BARX2: variants seen among roughly 807,000 people sequenced by gnomAD.
BARX2 encodes the protein homeobox protein BarH-like 2.
A neutral mutation model predicts 25.5 loss-of-function variants in BARX2; 11 were observed. The observed-to-expected ratio is 0.43, with a 90% CI of 0.27 to 0.71. The LOEUF (loss-of-function observed/expected upper bound fraction) is 0.71, where lower values mean the gene tolerates loss of function less well. Ranked by LOEUF, BARX2 falls within the 30% of genes least tolerant of loss-of-function variation. The probability of loss-of-function intolerance (pLI) is 0.19; values close to 1 mark genes in which losing one functional copy is unlikely to be tolerated. For missense variants in BARX2, 360 were observed against 359.9 expected, an observed-to-expected ratio of 1.00 and a Z score of 0.00; for synonymous variants, 137 against 149.5, an observed-to-expected ratio of 0.92 and a Z score of 0.61.
At chr11:129,410,206 AT>A (rs942970159) in intron 1 of BARX2, among the ~76,000 whole-genome samples, 2 of 152,068 alleles carry the variant, frequency 1.3e-5, no homozygotes, top group African/African-American at 4.8e-5. Context: ...GTTTTAATCT[AT>A]TTTTTATTTT....
chr11:129,381,652 A>G (rs1211712096), intron 1 of BARX2, among the ~76,000 whole-genome samples: 2 of 152,250 alleles, frequency 1.3e-5, no homozygotes, highest in African/African-American at 2.4e-5. Context: ...AATTTGTGAT[A>G]GAAACATGGA....
chr11:129,400,955 G>A (rs1861769227), intron 1 of BARX2, among the ~76,000 whole-genome samples: 1 of 152,202 alleles, frequency 6.6e-6, no homozygotes, highest in Non-Finnish European at 1.5e-5. Context: ...AAAGGCAGCT[G>A]AAGGATCCAA....
intron 1 of BARX2, among the ~76,000 whole-genome samples, chr11:129,435,083 A>T (rs1160947626): frequency 1.3e-5 from 2 of 152,260 alleles, no homozygotes; most frequent in Non-Finnish European, 2.9e-5. Context: ...GAAACATCTT[A>T]TGCCTTTTTA....
At chr11:129,444,274 A>AAATT (rs2135415996) in intron 3 of BARX2, among the ~76,000 whole-genome samples, 1 of 152,320 alleles carries the variant, frequency 6.6e-6, no homozygotes, top group South Asian at 2.1e-4. Flanking sequence ...TCAATGGGAA[A>AAATT]AATTAGGAAA....
chr11:129,451,450 A>T lies in BARX2; in HGVS notation c.*48A>T, dbSNP rs1462110618. 1.7e-5 allele frequency: 27 copies of T among 1,584,170 alleles called. No homozygotes were observed. The highest frequency in any genetic ancestry group is 2.2e-5 in the Non-Finnish European group (26 of 1,161,428). On this transcript the variant is annotated 3_prime_UTR_variant, in exon 4 of 4. Transcript: ENST00000281437. ...AGGGAGACTGGGGAGAAGGGAAAAG[A>T]GAGAAGGCAGGGAGAGTAGGGAGAG...
intron 1 of BARX2, among the ~76,000 whole-genome samples, chr11:129,388,932 A>G (rs928896934): frequency 2.0e-5 from 3 of 152,202 alleles, no homozygotes; most frequent in South Asian, 2.1e-4. Context: ...CTTAACTTCT[A>G]TGACACTCAG....
At chr11:129,437,476 C>G (rs1462325555) in intron 2 of BARX2, 1 of 990,722 alleles carries the variant, frequency 1.0e-6, no homozygotes, top group Non-Finnish European at 1.2e-6. Context: ...TGATTCCCCA[C>G]TGACTCAGTT....
intron 2 of BARX2, among the ~76,000 whole-genome samples, chr11:129,440,418 C>T (rs1862242922): frequency 2.0e-5 from 3 of 152,208 alleles, no homozygotes; most frequent in Non-Finnish European, 2.9e-5. Flanking sequence ...ATGGAGGACC[C>T]GTCTCCAGGG....
intron 1 of BARX2, among the ~76,000 whole-genome samples, chr11:129,405,964 G>A (rs1285656346): frequency 6.6e-6 from 1 of 152,104 alleles, no homozygotes. Flanking sequence ...CCACATTTAA[G>A]TGATTGTCTT....
chr11:129,436,973 G>C lies in BARX2; in HGVS notation c.410G>C (p.Arg137Pro). The C allele has an allele frequency of 6.2e-7, 1 of 1,610,196 alleles. No individual in the cohort carries two copies. Among genetic ancestry groups the C allele is most frequent in the Non-Finnish European group, 8.5e-7 (1 of 1,177,540 alleles). ...CGACAGAAGAAGCCCCGCCGGAGTC[G>C]CACCATCTTCACCGAGCTGCAGCTC... is the stretch of plus-strand genomic sequence containing the variant. ...TPRQKKPRRSRTIFTELQLMG... is the reference protein window; with the variant it reads ...TPRQKKPRRSPTIFTELQLMG... Residue 137 changes from arginine to proline, a missense_variant, in exon 2 of 4, where the codon CGC becomes CCC. Around this residue, in one of 3 missense-constraint regions of BARX2, gnomAD observed 240 missense variants for 228.7 expected, o/e 1.05. Transcript: ENST00000281437. The surrounding 1 kb of genome is among the most constrained non-coding windows in gnomAD (Gnocchi z 4.5).
intron 1 of BARX2, among the ~76,000 whole-genome samples, chr11:129,389,671 C>T (rs912425910): frequency 1.6e-4 from 24 of 149,792 alleles, no homozygotes; most frequent in African/African-American, 3.9e-4. Flanking sequence ...TTTCTCAACA[C>T]GTTTGATTTC....
chr11:129,406,398 G>A (rs957499514), intron 1 of BARX2, among the ~76,000 whole-genome samples: 8 of 152,318 alleles, frequency 5.3e-5, no homozygotes, highest in Non-Finnish European at 7.3e-5. Context: ...AGGTCTACCC[G>A]ACACCAGAGT....
At chr11:129,385,178 G>C (rs2135384880) in intron 1 of BARX2, among the ~76,000 whole-genome samples, 1 of 152,256 alleles carries the variant, frequency 6.6e-6, no homozygotes, top group South Asian at 2.1e-4. Flanking sequence ...GGAGCAACAG[G>C]CATTCTCCAC....
At chr11:129,443,539 C>G (rs1479981615) in intron 3 of BARX2, among the ~76,000 whole-genome samples, 1 of 152,154 alleles carries the variant, frequency 6.6e-6, no homozygotes, top group Non-Finnish European at 1.5e-5. Flanking sequence ...GATTCTGGTC[C>G]CAGAGGTCTG....
chr11:129,391,388 A>G (rs1861664287), intron 1 of BARX2, among the ~76,000 whole-genome samples: 1 of 152,234 alleles, frequency 6.6e-6, no homozygotes, highest in Non-Finnish European at 1.5e-5. Context: ...TCATGCTGTC[A>G]CAGTGGAGGG....
At chr11:129,388,531 T>C (rs1157934792) in intron 1 of BARX2, among the ~76,000 whole-genome samples, 1 of 152,230 alleles carries the variant, frequency 6.6e-6, no homozygotes, top group African/African-American at 2.4e-5. Flanking sequence ...GAGAAAGTGC[T>C]GAACAACTAA....
At chr11:129,417,058 C>A (rs564278040) in intron 1 of BARX2, among the ~76,000 whole-genome samples, 1 of 151,918 alleles carries the variant, frequency 6.6e-6, no homozygotes, top group Non-Finnish European at 1.5e-5. Context: ...CCCGCCACCA[C>A]GCCCGGCTAA....
In BARX2 at chr11:129,390,379, G is replaced by C. The variant is rs1286738538; in HGVS notation, c.187+14157G>C. Among the ~76,000 whole-genome samples the C allele has an allele frequency of 6.6e-6, 1 of 152,134 alleles. No individual in the cohort carries two copies. The highest frequency in any genetic ancestry group is 1.5e-5 in the Non-Finnish European group (1 of 68,020). ...TAGGGTCCTCAGAACCATAGAGTCT[G>C]AGTTTTCTGAATTGTTGAAAATAGG... On this transcript the variant is annotated intron_variant, in intron 1 of 3. Transcript: ENST00000281437. The surrounding 1 kb of genome is among the most constrained non-coding windows in gnomAD (Gnocchi z 4.3).
intron 1 of BARX2, among the ~76,000 whole-genome samples, chr11:129,411,748 C>A (rs1393041423): frequency 6.6e-6 from 1 of 152,210 alleles, no homozygotes; most frequent in African/African-American, 2.4e-5. Context: ...CAGGCCCGGC[C>A]ACAGGCCAAT....
Sources: gnomAD v4.1 joint callset for allele counts (sites outside exome capture counted in the v4.1 genomes callset) on GRCh38, gnomAD v4.1.1 for gene constraint, gnomAD v4.1.1 regional missense constraint, Gnocchi (gnomAD v3.1) non-coding constraint, MANE v1.5 for transcripts, NCBI Gene and HGNC (gene_info 2026-07-23, HGNC 2026-07-21) for gene names.